Variants in C12orf75 observed in about 807,000 individuals in gnomAD.
C12orf75 encodes the protein overexpressed in colon carcinoma 1 protein.
C12orf75 carries 4 observed loss-of-function variants against 11.4 expected under a neutral mutation model. The observed-to-expected ratio is 0.35, with a 90% confidence interval of 0.17 to 0.80. The LOEUF (loss-of-function observed/expected upper bound fraction) is 0.80. Among genes scored for constraint, C12orf75 ranks in the 30% least tolerant of loss-of-function variants. The pLI is 0.52. For synonymous variants in C12orf75, 30 were observed against 30.0 expected (o/e 1.00, Z 0.00); for missense variants, 89 against 80.4 (o/e 1.11, Z -0.41).
At chr12:105,332,679 T>C (rs1892447694) in intron 1 of C12orf75, among the ~76,000 whole-genome samples, 1 of 149,702 alleles carries the variant, frequency 6.7e-6, no homozygotes, top group Non-Finnish European at 1.5e-5. Context: ...TGCAGTGAGC[T>C]GAGATCGCAC....
At chr12:105,347,208 T>C (rs1892651167) in intron 1 of C12orf75, among the ~76,000 whole-genome samples, 1 of 152,154 alleles carries the variant, frequency 6.6e-6, no homozygotes, top group South Asian at 2.1e-4. Flanking sequence ...CCAGAAGAGA[T>C]GAGCTGTTTT....
intron 1 of C12orf75, among the ~76,000 whole-genome samples, chr12:105,336,570 G>A (rs1892501940): frequency 6.6e-6 from 1 of 152,254 alleles, no homozygotes; most frequent in African/African-American, 2.4e-5. Flanking sequence ...TGTACGTATA[G>A]AAGTGGCATC....
In C12orf75 at chr12:105,367,337, C is replaced by T. The variant is rs369236365; in HGVS notation, c.188-135C>T. The T allele has an allele frequency of 3.3e-4, 122 of 374,658 alleles. 1 individual carries two copies. In the East Asian group the frequency reaches 5.0e-3, roughly 15 times the overall value. The allele number at this position is 374,658 out of a possible 1,614,324, so 23.2% of individuals were successfully genotyped here. Reference sequence around the variant, plus strand: ...TTATTTTGAACATACTATATTTGTTCCTCATTGTTCTTTCTGTACTTTGTG... The same window carrying T: ...TTATTTTGAACATACTATATTTGTTTCTCATTGTTCTTTCTGTACTTTGTG... On this transcript the variant is annotated intron_variant, in intron 4 of 5. Coordinates refer to ENST00000443585, the MANE Select transcript of C12orf75 (RefSeq NM_001145199.2).
intron 5 of C12orf75, among the ~76,000 whole-genome samples, chr12:105,368,336 A>G (rs1276427817): frequency 1.3e-5 from 2 of 152,178 alleles, no homozygotes; most frequent in Non-Finnish European, 2.9e-5. Context: ...TCCAGTGATT[A>G]GGAACGTCCT....
chr12:105,361,766 C>A (rs1198911600), intron 2 of C12orf75, among the ~76,000 whole-genome samples: 4 of 152,170 alleles, frequency 2.6e-5, no homozygotes, highest in African/African-American at 7.2e-5. Flanking sequence ...TGAACACTGG[C>A]AGGACAGCAT....
In C12orf75 at chr12:105,330,788, C is replaced by T; in HGVS notation, c.-104C>T. ...CACTCGGTTCCTGGCCCCTCGCGGCCCCGTCAGCCTCCCGCTCGGGGTGCG... is the reference window on the plus strand; with the variant it reads ...CACTCGGTTCCTGGCCCCTCGCGGCTCCGTCAGCCTCCCGCTCGGGGTGCG... On this transcript the variant is annotated 5_prime_UTR_variant, in exon 1 of 6. Coordinates refer to ENST00000443585, the MANE Select transcript of C12orf75 (RefSeq NM_001145199.2). 1.7e-6 allele frequency: 2 copies of T among 1,149,980 alleles called. No individual in the cohort carries two copies. The highest frequency in any genetic ancestry group is 2.2e-6 in the Non-Finnish European group (2 of 922,188). The allele number at this position is 1,149,980 out of a possible 1,614,324, so 71.2% of individuals were successfully genotyped here.
intron 1 of C12orf75, among the ~76,000 whole-genome samples, chr12:105,334,274 G>A (rs7954722): frequency 0.18 from 27,877 of 152,238 alleles, 2,895 homozygotes; most frequent in Non-Finnish European, 0.24. Flanking sequence ...ATGGATGTTT[G>A]TAGAATGAAG....
chr12:105,333,767 T>C (rs1296702731), intron 1 of C12orf75, among the ~76,000 whole-genome samples: 2 of 152,224 alleles, frequency 1.3e-5, no homozygotes, highest in East Asian at 3.8e-4. Context: ...TATTACTATA[T>C]AATAATATTA....
chr12:105,361,927 A>G (rs191066789), intron 2 of C12orf75, among the ~76,000 whole-genome samples: 1 of 152,348 alleles, frequency 6.6e-6, no homozygotes. Flanking sequence ...GCTCATCAGA[A>G]CAACCTTTGT....
Position 105,348,642 on chromosome 12 carries a change from T to C in C12orf75, c.71+16T>C. On this transcript the variant is annotated intron_variant, in intron 2 of 5. Transcript: ENST00000443585. ...CCAAAGATGTGTAAGTATTGAATAT[T>C]AATGATTTTATAAGCTGTCTTTCTG... 2 of 1,518,360 alleles carry C rather than the reference T, an allele frequency of 1.3e-6. No individual in the cohort carries two copies. The highest frequency in any genetic ancestry group is 2.5e-5 in the South Asian group (2 of 80,328). The allele number at this position is 1,518,360 out of a possible 1,614,324, so 94.1% of individuals were successfully genotyped here.
intron 1 of C12orf75, among the ~76,000 whole-genome samples, chr12:105,344,094 T>A (rs1892606761): frequency 6.6e-6 from 1 of 152,178 alleles, no homozygotes; most frequent in African/African-American, 2.4e-5. Flanking sequence ...TGCCCATAGC[T>A]TGGTGCAATC....
intron 2 of C12orf75, among the ~76,000 whole-genome samples, chr12:105,358,754 A>G (rs1892820589): frequency 6.6e-6 from 1 of 152,212 alleles, no homozygotes; most frequent in Non-Finnish European, 1.5e-5. Context: ...CAAGCTTATT[A>G]CACAAGTTTA....
rs186290074 is a variant in C12orf75 at position 105,371,269 on chromosome 12, T to A, written c.*669T>A. On this transcript the variant is annotated 3_prime_UTR_variant, in exon 6 of 6. Transcript: ENST00000443585. ...TTGCATGCCATATGCACATTTTGATTACATTTTTATTTTCTTTCGTGAAAG... is the reference window on the plus strand; with the variant it reads ...TTGCATGCCATATGCACATTTTGATAACATTTTTATTTTCTTTCGTGAAAG... 1 of 152,502 alleles carries A rather than the reference T, an allele frequency of 6.6e-6. No individual in the cohort carries two copies. The highest frequency in any genetic ancestry group is 6.5e-5 in the Admixed American group (1 of 15,340). The allele number at this position is 152,502 out of a possible 1,614,324, so 9.4% of individuals were successfully genotyped here.
Position 105,363,782 on chromosome 12 carries a change from T to A in C12orf75, c.72-2025T>A, listed in dbSNP as rs538850214. Among the ~76,000 whole-genome samples the A allele has an allele frequency of 2.0e-5, 3 of 152,232 alleles. No individual in the cohort carries two copies. The East Asian group carries it at 5.8e-4, about 29-fold the overall frequency. On this transcript the variant is annotated intron_variant, in intron 2 of 5. Coordinates refer to ENST00000443585, the MANE Select transcript of C12orf75 (RefSeq NM_001145199.2). ...AAGTCTTTATAGGTAGTATTTTTTT[T>A]AAGATTTGGCATTATATCTGAAGCT...
intron 1 of C12orf75, among the ~76,000 whole-genome samples, chr12:105,336,896 G>A (rs1255242470): frequency 6.6e-6 from 1 of 152,146 alleles, no homozygotes; most frequent in South Asian, 2.1e-4. Flanking sequence ...AGTAATCATT[G>A]GTGAGACAGA....
chr12:105,330,709 C>A lies in C12orf75; in HGVS notation c.-183C>A. 4.3e-6 allele frequency: 2 copies of A among 463,084 alleles called. No homozygotes were observed. Among genetic ancestry groups the A allele is most frequent in the Non-Finnish European group, 6.3e-6 (2 of 317,604 alleles). The allele number at this position is 463,084 out of a possible 1,614,324, so 28.7% of individuals were successfully genotyped here. A position where few individuals can be genotyped will look rare whatever the true frequency, so the allele number is the denominator to read the frequency against. On this transcript the variant is annotated 5_prime_UTR_variant, in exon 1 of 6. Transcript: ENST00000443585. ...GCCGGGTGGTTTCCGCCCGGCAGCCCGCAGCCCGCTGCGCCCCGGGCCGCG... is the reference window on the plus strand; with the variant it reads ...GCCGGGTGGTTTCCGCCCGGCAGCCAGCAGCCCGCTGCGCCCCGGGCCGCG...
chr12:105,338,704 C>A (rs1382876187), intron 1 of C12orf75, among the ~76,000 whole-genome samples: 1 of 151,824 alleles, frequency 6.6e-6, no homozygotes, highest in Non-Finnish European at 1.5e-5. Flanking sequence ...GCAGAGATCA[C>A]ATGGCAAGAG....
At chr12:105,339,973 G>A (rs1488836270) in intron 1 of C12orf75, among the ~76,000 whole-genome samples, 1 of 151,978 alleles carries the variant, frequency 6.6e-6, no homozygotes, top group African/African-American at 2.4e-5. Context: ...TTTGGCATTT[G>A]GGAGGAAATA....
At chr12:105,350,245 C>T (rs529767255) in intron 2 of C12orf75, among the ~76,000 whole-genome samples, 67 of 152,328 alleles carry the variant, frequency 4.4e-4, no homozygotes, top group African/African-American at 1.3e-3. Context: ...TTATTCCCAT[C>T]GTCCTCTGGA....
Sources: gnomAD v4.1 joint callset for allele counts (sites outside exome capture counted in the v4.1 genomes callset) on GRCh38, gnomAD v4.1.1 for gene constraint, MANE v1.5 for transcripts, NCBI Gene and HGNC (gene_info 2026-07-23, HGNC 2026-07-21) for gene names.